The following TGFB3 variants were observed in gnomAD, a reference collection of about 807,000 sequenced individuals.
TGFB3 encodes the protein transforming growth factor beta 3.
In TGFB3, 5 loss-of-function variants were observed where a neutral mutation model predicts 40.1. The observed-to-expected ratio is 0.12, with a 90% CI of 0.07 to 0.26. The LOEUF (loss-of-function observed/expected upper bound fraction) is 0.26. Among genes scored for constraint, TGFB3 ranks in the 10% least tolerant of loss-of-function variants. TGFB3 has a pLI of 1.00. For synonymous variants in TGFB3, 184 were observed against 205.6 expected, an observed-to-expected ratio of 0.89 and a Z score of 0.90; for missense variants, 373 against 530.1, an observed-to-expected ratio of 0.70 and a Z score of 2.91.
At position 75,958,150 on chromosome 14, in the gene TGFB3, A is replaced by T. The variant is rs1057177119; in HGVS notation, c.*1037T>A. ...CTAGAAACAATATTCCAGAAGATGA[A>T]ATCATCCAGGATGCCCCAAAAATAT... On this transcript the variant is annotated 3_prime_UTR_variant, in exon 7 of 7. Transcript: ENST00000238682. 10 of 152,674 alleles carry T rather than the reference A, an allele frequency of 6.5e-5. No individual in the cohort carries two copies. Among genetic ancestry groups the T allele is most frequent in the Admixed American group, 6.5e-4 (10 of 15,288 alleles). The allele number at this position is 152,674 out of a possible 1,614,324, so 9.5% of individuals were successfully genotyped here. A position where few individuals can be genotyped will look rare whatever the true frequency, so the allele number is the denominator to read the frequency against.
Position 75,959,092 on chromosome 14 carries a change from C to CCTCT in TGFB3, c.*91_*94dup, listed in dbSNP as rs1279957525. 7 of 1,524,464 alleles carry CCTCT rather than the reference C, an allele frequency of 4.6e-6. No homozygotes were observed. The East Asian group carries it at 1.4e-4, about 29-fold the overall frequency. The allele number at this position is 1,524,464 out of a possible 1,614,324, so 94.4% of individuals were successfully genotyped here. The stretch of plus-strand genomic sequence containing the variant: ...GGAGCCGAAGGTTGTGGGCTCCAGG[C>CCTCT]CTCTCAGTGAGGTTTGTTGCTTGTG... On this transcript the variant is annotated 3_prime_UTR_variant, in exon 7 of 7. Transcript: ENST00000238682.
Position 75,965,730 on chromosome 14 carries a change from C to T in TGFB3, c.647-35G>A, listed in dbSNP as rs376336074. ...AAGACAGAATTAGTGAGAAAAGCAC[C>T]TCTGTGTGATGGGGAAGTGTGCCCA... On this transcript the variant is annotated intron_variant, in intron 3 of 6. Transcript: ENST00000238682. 12 of 1,568,212 alleles carry T rather than the reference C, an allele frequency of 7.7e-6. No individual in the cohort carries two copies. In the African/African-American group the frequency reaches 8.1e-5, roughly 11 times the overall value.
intron 4 of TGFB3, among the ~76,000 whole-genome samples, chr14:75,963,728 G>T (rs538647609): frequency 6.6e-6 from 1 of 152,158 alleles, no homozygotes; most frequent in African/African-American, 2.4e-5. Context: ...AAGATGCCCC[G>T]TGTTCAGATC....
At chr14:75,970,571 TAATAATA>T (rs1454588308) in intron 3 of TGFB3, 2 of 115,050 alleles carry the variant, frequency 1.7e-5, no homozygotes, top group East Asian at 4.4e-4. Context: ...GAAATAATAA[TAATAATA>T]ATAATAATAA....
chr14:75,969,522 G>A (rs192218851), intron 3 of TGFB3, among the ~76,000 whole-genome samples: 141 of 152,314 alleles, frequency 9.3e-4, no homozygotes, highest in African/African-American at 3.3e-3. Flanking sequence ...GCTTACTCTT[G>A]TAAAACATGG....
chr14:75,978,062 C>A lies in TGFB3; in HGVS notation c.352+2480G>T, dbSNP rs1280593385. Among the ~76,000 whole-genome samples, 1 of 152,134 alleles carries A rather than the reference C, an allele frequency of 6.6e-6. No individual in the cohort carries two copies. The highest frequency in any genetic ancestry group is 1.5e-5 in the Non-Finnish European group (1 of 68,030). ...CTCCTGCACTACTAAAAAGTATTTC[C>A]TCTTTCATTTTCCTCTCCAGGGACC... On this transcript the variant is annotated intron_variant, in intron 1 of 6. Coordinates refer to ENST00000238682, the MANE Select transcript of TGFB3 (RefSeq NM_003239.5). This position sits in a 1 kb window ranked among gnomAD's most constrained non-coding sequence, Gnocchi z 5.0.
intron 4 of TGFB3, 144 bp downstream of exon 4, chr14:75,965,444 A>G: frequency 1.4e-6 from 1 of 721,552 alleles, no homozygotes; most frequent in South Asian, 1.5e-5. Flanking sequence ...GCAAAGCAGA[A>G]TTACTCAAGT....
chr14:75,982,241 G>C (rs1162748723), upstream of TGFB3, among the ~76,000 whole-genome samples: 1 of 152,180 alleles, frequency 6.6e-6, no homozygotes, highest in Non-Finnish European at 1.5e-5. The surrounding 1 kb of genome is among the most constrained non-coding windows in gnomAD (Gnocchi z 4.0). Context: ...TTTCTGGAAA[G>C]TTACTCCGAT....
rs1036545575 is a variant in TGFB3, at chr14:75,980,664, C to G, written c.230G>C (p.Arg77Pro). The G allele has an allele frequency of 6.2e-7, 1 of 1,614,222 alleles. No homozygotes were observed. Among genetic ancestry groups the G allele is most frequent in the Non-Finnish European group, 8.5e-7 (1 of 1,180,038 alleles). Residue 77 changes from arginine to proline, a missense_variant, in exon 1 of 7, where the codon CGG becomes CCG. Arg to Pro is a moderately radical substitution (Grantham distance 103, BLOSUM62 -2). Coordinates refer to ENST00000238682, the MANE Select transcript of TGFB3 (RefSeq NM_003239.5). This position sits in a 1 kb window ranked among gnomAD's most constrained non-coding sequence, Gnocchi z 4.3. Reference sequence around the variant, plus strand: ...CCCATGCATCTCCTCCAGCAGCTCCCGGGTGCTGTTGTAAAGGGCCAGGAC... The same window carrying G: ...CCCATGCATCTCCTCCAGCAGCTCCGGGGTGCTGTTGTAAAGGGCCAGGAC... ...YQVLALYNST[R>P]ELLEEMHGER...
intron 1 of TGFB3, among the ~76,000 whole-genome samples, chr14:75,972,108 G>T (rs1033063939): frequency 6.6e-6 from 1 of 152,180 alleles, no homozygotes; most frequent in Non-Finnish European, 1.5e-5. Flanking sequence ...TGATTTATTC[G>T]TGTGTTTGTT....
At chr14:75,963,056 C>T (rs1460674659) in intron 5 of TGFB3, 1 of 578,134 alleles carries the variant, frequency 1.7e-6, no homozygotes, top group Non-Finnish European at 3.1e-6. Context: ...TAGCAACACT[C>T]CTCCTCACAG....
chr14:75,972,066 GC>G (rs1269987488), intron 1 of TGFB3, among the ~76,000 whole-genome samples: 1 of 152,220 alleles, frequency 6.6e-6, no homozygotes, highest in Non-Finnish European at 1.5e-5. Flanking sequence ...AAAGATATCA[GC>G]ACCTAGTAGT....
chr14:75,974,997 G>A lies in TGFB3; in HGVS notation c.353-3279C>T, dbSNP rs11466422. Among the ~76,000 whole-genome samples the A allele has an allele frequency of 1.6e-3, 229 of 146,934 alleles. 2 individuals are homozygous for A. Among genetic ancestry groups the A allele is most frequent in the Non-Finnish European group, 2.2e-3 (144 of 66,558 alleles). On this transcript the variant is annotated intron_variant, in intron 1 of 6. Transcript: ENST00000238682. ...TTTCAGCTACTCGGGAGGCTGAGGC[G>A]GGAGGATTGCTTGAGCCCAGGAGTT...
chr14:75,958,998 C>T lies in TGFB3; in HGVS notation c.*189G>A. 1 of 700,820 alleles carries T rather than the reference C, an allele frequency of 1.4e-6. No individual in the cohort carries two copies. The highest frequency in any genetic ancestry group is 2.5e-6 in the Non-Finnish European group (1 of 401,736). 43.4% of individuals were successfully genotyped at this position (700,820 alleles called of 1,614,324 possible). A position where few individuals can be genotyped will look rare whatever the true frequency, so the allele number is the denominator to read the frequency against. On this transcript the variant is annotated 3_prime_UTR_variant, in exon 7 of 7. Coordinates refer to ENST00000238682, the MANE Select transcript of TGFB3 (RefSeq NM_003239.5). The stretch of plus-strand genomic sequence containing the variant: ...CTAACCAAACCCACACTTTCTTTAC[C>T]ACCGTGATTCTCAGAGCCAGCAAGA...
In TGFB3 at chr14:75,971,024, C is replaced by G; in HGVS notation, c.646+102G>C. On this transcript the variant is annotated intron_variant, in intron 3 of 6. Transcript: ENST00000238682. The surrounding 1 kb of genome is among the most constrained non-coding windows in gnomAD (Gnocchi z 4.5). The stretch of plus-strand genomic sequence containing the variant: ...CAGTGGCAAAGCTAGGGTTTGAACC[C>G]AGATCTCTGACTCCCTTAATTCTGT... The G allele has an allele frequency of 1.3e-6, 2 of 1,555,746 alleles. No individual in the cohort carries two copies. The highest frequency in any genetic ancestry group is 8.8e-7 in the Non-Finnish European group (1 of 1,139,514).
chr14:75,966,113 A>G (rs902129596), intron 3 of TGFB3: 12 of 320,164 alleles, frequency 3.7e-5, no homozygotes, highest in Non-Finnish European at 6.6e-5. Context: ...CTACTGCAGA[A>G]GGATCAGGGC....
intron 1 of TGFB3, among the ~76,000 whole-genome samples, chr14:75,977,914 G>A (rs2035374471): frequency 6.6e-6 from 1 of 152,042 alleles, no homozygotes; most frequent in Non-Finnish European, 1.5e-5. Flanking sequence ...CTAGGTTAGG[G>A]TCCCTGCTCT....
upstream of TGFB3, chr14:75,982,788 C>G (rs2035452237): frequency 6.6e-6 from 1 of 152,384 alleles, no homozygotes; most frequent in Non-Finnish European, 1.5e-5. The surrounding 1 kb of genome is among the most constrained non-coding windows in gnomAD (Gnocchi z 4.0). Context: ...TGCGCACGAG[C>G]GCACCTCTCC....
At chr14:75,970,984 T>G in intron 3 of TGFB3, 142 bp downstream of exon 3, 1 of 1,193,306 alleles carries the variant, frequency 8.4e-7, no homozygotes, top group East Asian at 2.4e-5. Flanking sequence ...GTTGAGTGAA[T>G]GAATGGAGGA....
Sources: gnomAD v4.1 joint callset for allele counts (sites outside exome capture counted in the v4.1 genomes callset) on GRCh38, gnomAD v4.1.1 for gene constraint, Gnocchi (gnomAD v3.1) non-coding constraint, MANE v1.5 for transcripts, NCBI Gene and HGNC (gene_info 2026-07-23, HGNC 2026-07-21) for gene names.